The following NAE1 variants were observed in gnomAD, a reference collection of about 807,000 sequenced individuals.
NAE1 encodes the protein NEDD8 activating enzyme E1 subunit 1, also known as NEDD8-activating enzyme E1 regulatory subunit.
NAE1 carries 59 observed loss-of-function variants against 88.0 expected under a neutral mutation model. That is an observed-to-expected ratio of 0.67 (90% CI 0.54 to 0.83). NAE1 has a LOEUF of 0.83. Ranked by LOEUF, NAE1 falls within the 40% of genes least tolerant of loss-of-function variation. The probability of loss-of-function intolerance (pLI) is 0.00; values close to 1 mark genes in which losing one functional copy is unlikely to be tolerated. For missense variants in NAE1, 554 were observed against 632.8 expected, an observed-to-expected ratio of 0.88 and a Z score of 1.34; for synonymous variants, 186 against 208.9, an observed-to-expected ratio of 0.89 and a Z score of 0.95.
At chr16:66,820,225 G>A (rs1960194781) in intron 7 of NAE1, among the ~76,000 whole-genome samples, 1 of 152,126 alleles carries the variant, frequency 6.6e-6, no homozygotes, top group African/African-American at 2.4e-5. Flanking sequence ...TAGTAAAAAT[G>A]TTTTCTTGAG....
intron 13 of NAE1, among the ~76,000 whole-genome samples, chr16:66,811,030 G>A (rs1452627534): frequency 6.6e-6 from 1 of 152,180 alleles, no homozygotes; most frequent in Non-Finnish European, 1.5e-5. Context: ...TGCTCCCCTA[G>A]AGGGATCTAT....
At chr16:66,810,602 G>C (rs1959755301) in intron 14 of NAE1, 95 bp downstream of exon 14, 1 of 1,194,136 alleles carries the variant, frequency 8.4e-7, no homozygotes, top group East Asian at 2.3e-5. Context: ...CTCTAAAGAA[G>C]CACAGAGGCA....
Position 66,802,944 on chromosome 16 carries a change from A to G in NAE1, c.*65T>C, listed in dbSNP as rs1233011817. 1.0e-6 allele frequency: 1 copy of G among 997,344 alleles called. No homozygotes were observed. The highest frequency in any genetic ancestry group is 1.3e-5 in the South Asian group (1 of 74,444). 61.8% of individuals were successfully genotyped at this position (997,344 alleles called of 1,614,324 possible). ...GCTCTCCTTTAGAATTTTACAGACT[A>G]AAGCACAACCCGAAGGCAATTACAG... is the stretch of plus-strand genomic sequence containing the variant. On this transcript the variant is annotated 3_prime_UTR_variant, in exon 20 of 20. Coordinates refer to ENST00000290810, the MANE Select transcript of NAE1 (RefSeq NM_003905.4).
At chr16:66,827,811 T>C in intron 1 of NAE1, 1 of 600,768 alleles carries the variant, frequency 1.7e-6, no homozygotes, top group Admixed American at 2.9e-5. Flanking sequence ...CCTTATTATG[T>C]AGTCAGTATG....
chr16:66,814,842 C>T (rs971852821), intron 11 of NAE1, among the ~76,000 whole-genome samples: 3 of 152,146 alleles, frequency 2.0e-5, no homozygotes, highest in African/African-American at 7.2e-5. Flanking sequence ...GCCCTTTCTG[C>T]CTCTCCAAAC....
At chr16:66,826,175 T>C in intron 3 of NAE1, 1 of 247,974 alleles carries the variant, frequency 4.0e-6, no homozygotes, top group East Asian at 9.4e-5. Flanking sequence ...ACCCCTAGAC[T>C]AAGCCTAAAA....
chr16:66,827,076 A>T (rs1960489427), intron 1 of NAE1, among the ~76,000 whole-genome samples: 1 of 152,070 alleles, frequency 6.6e-6, no homozygotes, highest in Admixed American at 6.5e-5. Flanking sequence ...CAAACAAACA[A>T]ACATTTAAAA....
chr16:66,811,176 G>A (rs1278024426), intron 13 of NAE1, among the ~76,000 whole-genome samples: 1 of 152,060 alleles, frequency 6.6e-6, no homozygotes, highest in Non-Finnish European at 1.5e-5. Context: ...TTTGTTTTTT[G>A]AGACAGGATC....
At position 66,830,896 on chromosome 16, in the gene NAE1, C is replaced by G. The variant is rs1960669386; in HGVS notation, c.4G>C (p.Ala2Pro). 2.0e-6 allele frequency: 3 copies of G among 1,536,660 alleles called. No individual in the cohort carries two copies. The East Asian group carries it at 7.9e-5, about 40-fold the overall frequency. The change falls in exon 1 of 20, where the codon GCG (alanine) becomes CCG (proline). Residue 2 changes from alanine (A) to proline (P), a missense_variant. Coordinates refer to ENST00000290810, the MANE Select transcript of NAE1 (RefSeq NM_003905.4). M[A>P]QLGKLLKEQK... ...TCCTTGAGCAGCTTTCCCAGCTGCG[C>G]CATGGCCGCGCCTGCCGCGCGGAAA...
rs1402083142 is a variant in NAE1 at position 66,816,952 on chromosome 16, T to C, written c.748+13A>G. The C allele has an allele frequency of 1.9e-6, 3 of 1,586,958 alleles. No homozygotes were observed. Among genetic ancestry groups the C allele is most frequent in the Non-Finnish European group, 2.6e-6 (3 of 1,173,416 alleles). ...TCAAGCTTTATACAGTATTTAATCA[T>C]ATCCCATATTACCTTGTCTAATCAA... On this transcript the variant is annotated intron_variant, in intron 10 of 19. Coordinates refer to ENST00000290810, the MANE Select transcript of NAE1 (RefSeq NM_003905.4).
At chr16:66,829,364 G>A (rs982109827) in intron 1 of NAE1, among the ~76,000 whole-genome samples, 7 of 152,158 alleles carry the variant, frequency 4.6e-5, no homozygotes, top group African/African-American at 1.4e-4. Context: ...TTTCTTCTCC[G>A]AAAAGCTTGG....
At chr16:66,821,580 A>G in intron 6 of NAE1, 21 bp from the exon 7 acceptor site, 1 of 1,534,600 alleles carries the variant, frequency 6.5e-7, no homozygotes, top group South Asian at 1.2e-5. Flanking sequence ...AAAAAAAGCA[A>G]AATATGAACA....
chr16:66,822,107 C>T (rs999332021), intron 6 of NAE1, among the ~76,000 whole-genome samples: 8 of 152,188 alleles, frequency 5.3e-5, no homozygotes, highest in African/African-American at 1.9e-4. Flanking sequence ...CTCAAGTGAT[C>T]TGAACCTGTC....
intron 11 of NAE1, 40 bp downstream of exon 11, chr16:66,816,541 C>G: frequency 7.3e-7 from 1 of 1,377,512 alleles, no homozygotes; most frequent in African/African-American, 1.4e-5. Context: ...CTCTAGAAAA[C>G]ATCTTGTTCA....
At chr16:66,806,711 C>G (rs1959581206) in intron 17 of NAE1, among the ~76,000 whole-genome samples, 1 of 152,184 alleles carries the variant, frequency 6.6e-6, no homozygotes, top group African/African-American at 2.4e-5. Flanking sequence ...CCATGCCTGG[C>G]CAATAATAGG....
At chr16:66,806,294 T>C in intron 17 of NAE1, 1 of 292,556 alleles carries the variant, frequency 3.4e-6, no homozygotes, top group African/African-American at 2.2e-5. Flanking sequence ...TAGTGCTTAA[T>C]AATTATTTGA....
intron 5 of NAE1, 35 bp downstream of exon 5, chr16:66,823,494 T>C (rs1960346842): frequency 6.4e-7 from 1 of 1,550,604 alleles, no homozygotes; most frequent in Non-Finnish European, 8.8e-7. Context: ...AAATTGTATT[T>C]CAGCACAGAC....
intron 4 of NAE1, among the ~76,000 whole-genome samples, chr16:66,824,245 G>A (rs1960373287): frequency 6.6e-6 from 1 of 152,174 alleles, no homozygotes; most frequent in Non-Finnish European, 1.5e-5. Flanking sequence ...CTGTACAAGA[G>A]TGGTTAATCA....
At position 66,826,266 on chromosome 16, in the gene NAE1, T is replaced by G. The variant is rs1960459943; in HGVS notation, c.218+257A>C. On this transcript the variant is annotated intron_variant, in intron 3 of 19. Coordinates refer to ENST00000290810, the MANE Select transcript of NAE1 (RefSeq NM_003905.4). ...TACAAGAGCTTAGGAAGTGCCCATA[T>G]TCCATGAATAAAGGAATAACGACTA... The G allele has an allele frequency of 1.1e-5, 5 of 467,890 alleles. No individual in the cohort carries two copies. In the South Asian group the frequency reaches 1.2e-4, roughly 11 times the overall value. 29.0% of individuals were successfully genotyped at this position (467,890 alleles called of 1,614,324 possible). A position where few individuals can be genotyped will look rare whatever the true frequency, so the allele number is the denominator to read the frequency against.
Sources: allele counts gnomAD v4.1 joint callset (sites outside exome capture counted in the v4.1 genomes callset), GRCh38; gene constraint gnomAD v4.1.1; transcripts MANE v1.5; gene names NCBI Gene and HGNC (gene_info 2026-07-23, HGNC 2026-07-21).